Variants in PCDHGA7 observed in about 807,000 individuals in gnomAD.
PCDHGA7 encodes the protein protocadherin gamma subfamily A, 7.
A neutral mutation model predicts 58.3 loss-of-function variants in PCDHGA7; 44 were observed. That is an observed-to-expected ratio of 0.75 (90% CI 0.59 to 0.97). PCDHGA7 has a LOEUF of 0.97. Among genes scored for constraint, PCDHGA7 ranks in the 50% least tolerant of loss-of-function variants. PCDHGA7 has a pLI of 0.00. For missense variants in PCDHGA7, 1,266 were observed against 1,188.7 expected (o/e 1.06, Z -0.96); for synonymous variants, 516 against 504.2 (o/e 1.02, Z -0.31).
rs369206085 is a variant in PCDHGA7 at position 141,490,515 on chromosome 5, G to A, written c.2425-4292G>A. On this transcript the variant is annotated intron_variant, in intron 1 of 3. Transcript: ENST00000518325. The surrounding 1 kb of genome is among the most constrained non-coding windows in gnomAD (Gnocchi z 5.4). ...CATCCCACTATATCATCGAGCTGCT[G>A]GCCAGCGATGCTGGTTCACCTTCCC... The A allele has an allele frequency of 2.3e-5, 37 of 1,613,840 alleles. No individual in the cohort carries two copies. In the Middle Eastern group the frequency reaches 1.2e-3, roughly 50 times the overall value.
At chr5:141,421,306 T>C (rs1356157966) in intron 1 of PCDHGA7, 1 of 1,613,564 alleles carries the variant, frequency 6.2e-7, no homozygotes, top group South Asian at 1.1e-5. Context: ...GCTGCGGGGG[T>C]TCCGGGCCAG....
At chr5:141,483,603 A>T (rs1277479077) in intron 1 of PCDHGA7, among the ~76,000 whole-genome samples, 1 of 152,054 alleles carries the variant, frequency 6.6e-6, no homozygotes, top group Non-Finnish European at 1.5e-5. Context: ...AGGCTGGTTT[A>T]CACCTCCATC....
chr5:141,399,260 T>A (rs2093776436), intron 1 of PCDHGA7: 1 of 1,613,614 alleles, frequency 6.2e-7, no homozygotes, highest in South Asian at 1.1e-5. Context: ...AATGGGGAGG[T>A]TAATTGTCAA....
At chr5:141,392,625 C>T (rs939952294) in intron 1 of PCDHGA7, 4 of 567,662 alleles carry the variant, frequency 7.0e-6, no homozygotes, top group Non-Finnish European at 8.9e-6. Context: ...CGAAAACACT[C>T]AGATCTCACA....
rs1404533394 is a variant in PCDHGA7, at chr5:141,491,708, G to T, written c.2425-3099G>T. ...CTGCGGGAGCGGAGCCAGGTGAGGG[G>T]CTCGGCGCCGCCCCGGGCGACCCCT... On this transcript the variant is annotated intron_variant, in intron 1 of 3. Transcript: ENST00000518325. The surrounding 1 kb of genome is among the most constrained non-coding windows in gnomAD (Gnocchi z 6.9). 1 of 1,610,132 alleles carries T rather than the reference G, an allele frequency of 6.2e-7. No individual in the cohort carries two copies. Among genetic ancestry groups the T allele is most frequent in the Admixed American group, 1.7e-5 (1 of 59,518 alleles).
chr5:141,452,148 T>C (rs1294195346), intron 1 of PCDHGA7, among the ~76,000 whole-genome samples: 1 of 152,228 alleles, frequency 6.6e-6, no homozygotes, highest in Non-Finnish European at 1.5e-5. Flanking sequence ...TTTTTTCCAA[T>C]GAGTTATATT....
At chr5:141,475,146 G>A (rs938308425) in intron 1 of PCDHGA7, among the ~76,000 whole-genome samples, 3 of 152,014 alleles carry the variant, frequency 2.0e-5, no homozygotes, top group African/African-American at 4.8e-5. Context: ...AATCTTCTCC[G>A]TCTTCTTCTT....
At chr5:141,433,257 G>C (rs764036349) in intron 1 of PCDHGA7, 3 of 1,385,416 alleles carry the variant, frequency 2.2e-6, no homozygotes, top group Non-Finnish European at 3.0e-6. Flanking sequence ...GCAGCGGTAC[G>C]ATCATAGCTC....
Position 141,491,713 on chromosome 5 carries a change from G to A in PCDHGA7, c.2425-3094G>A. On this transcript the variant is annotated intron_variant, in intron 1 of 3. Transcript: ENST00000518325. This position sits in a 1 kb window ranked among gnomAD's most constrained non-coding sequence, Gnocchi z 6.9. ...GGAGCGGAGCCAGGTGAGGGGCTCG[G>A]CGCCGCCCCGGGCGACCCCTGGGGG... The A allele has an allele frequency of 1.9e-6, 3 of 1,609,174 alleles. No individual in the cohort carries two copies. Among genetic ancestry groups the A allele is most frequent in the Non-Finnish European group, 2.5e-6 (3 of 1,178,054 alleles).
At chr5:141,388,632 A>C in intron 1 of PCDHGA7, 1 of 1,613,958 alleles carries the variant, frequency 6.2e-7, no homozygotes, top group Non-Finnish European at 8.5e-7. Context: ...ATACAGGGTG[A>C]GCCTTTCAGA....
intron 1 of PCDHGA7, among the ~76,000 whole-genome samples, chr5:141,425,841 C>T (rs936781561): frequency 2.0e-5 from 3 of 152,190 alleles, no homozygotes; most frequent in African/African-American, 7.2e-5. Context: ...ATTCTCTTTG[C>T]TGGGTTAATG....
Position 141,512,931 on chromosome 5 carries a change from C to T in PCDHGA7, c.*1758C>T, listed in dbSNP as rs2099884512. On this transcript the variant is annotated 3_prime_UTR_variant, in exon 4 of 4. Transcript: ENST00000518325. ...GTTTTATACTCTAATATTTATATGG[C>T]TTTTTTTCTTCGACAAAAAAATAAT... The T allele has an allele frequency of 6.6e-6, 1 of 152,006 alleles. No homozygotes were observed. The highest frequency in any genetic ancestry group is 2.4e-5 in the African/African-American group (1 of 41,414). The allele number at this position is 152,006 out of a possible 1,614,324, so 9.4% of individuals were successfully genotyped here.
chr5:141,496,554 G>T (rs2099769470), intron 2 of PCDHGA7, among the ~76,000 whole-genome samples: 1 of 152,160 alleles, frequency 6.6e-6, no homozygotes, highest in Non-Finnish European at 1.5e-5. Context: ...TTCTGGGCAT[G>T]CACAGTCCTG....
chr5:141,510,451 G>A (rs1330148267), intron 3 of PCDHGA7, among the ~76,000 whole-genome samples: 2 of 152,096 alleles, frequency 1.3e-5, no homozygotes, highest in East Asian at 1.9e-4. Context: ...AGGAGCCCAT[G>A]GTCTAGTGTG....
rs752305852 is a variant in PCDHGA7 at position 141,385,077 on chromosome 5, G to A, written c.2178G>A (p.Gln726=). ...LRRWHKSRLL[Q]ASEGGLANVP... is the part of the protein sequence containing the mutation. ...GCTGGCACAAGTCACGCCTGCTGCA[G>A]GCTTCAGAAGGTGGCTTGGCGAACG... Residue 726 remains glutamine, a synonymous_variant, in exon 1 of 4, where the codon CAG becomes CAA. Transcript: ENST00000518325. 9.9e-6 allele frequency: 16 copies of A among 1,614,096 alleles called. No homozygotes were observed. The highest frequency in any genetic ancestry group is 1.4e-5 in the Non-Finnish European group (16 of 1,180,058).
intron 1 of PCDHGA7, chr5:141,471,430 G>A (rs2099257545): frequency 6.6e-6 from 1 of 152,140 alleles, no homozygotes; most frequent in South Asian, 2.1e-4. Flanking sequence ...CAAGGAAAGT[G>A]TATAATCTCA....
At chr5:141,410,105 A>G in intron 1 of PCDHGA7, 1 of 1,612,376 alleles carries the variant, frequency 6.2e-7, no homozygotes, top group South Asian at 1.1e-5. Context: ...CTTAGGCGAC[A>G]GGGACGCAGC....
intron 1 of PCDHGA7, among the ~76,000 whole-genome samples, chr5:141,457,480 G>T (rs566798464): frequency 6.6e-6 from 1 of 152,148 alleles, no homozygotes; most frequent in African/African-American, 2.4e-5. Context: ...GCAGGGCCAG[G>T]GTTAGTCTAA....
intron 1 of PCDHGA7, chr5:141,426,796 T>C (rs1053668481): frequency 8.8e-6 from 4 of 456,720 alleles, no homozygotes. Context: ...AGTTACCAGC[T>C]CAGTTCTAAT....
Sources: gnomAD v4.1 joint callset for allele counts (sites outside exome capture counted in the v4.1 genomes callset) on GRCh38, gnomAD v4.1.1 for gene constraint, Gnocchi (gnomAD v3.1) non-coding constraint, MANE v1.5 for transcripts, NCBI Gene and HGNC (gene_info 2026-07-23, HGNC 2026-07-21) for gene names.